The following MIER3 variants were observed in gnomAD, a reference collection of about 807,000 sequenced individuals.
MIER3 encodes the protein MIER family member 3.
In MIER3, 9 loss-of-function variants were observed where a neutral mutation model predicts 63.2. The ratio of observed to expected loss-of-function variants is 0.14; its 90% CI spans 0.09 to 0.25. The LOEUF is 0.25. Among genes scored for constraint, MIER3 ranks in the 10% least tolerant of loss-of-function variants. MIER3 has a pLI of 1.00. For synonymous variants in MIER3, 205 were observed against 224.9 expected, an observed-to-expected ratio of 0.91 and a Z score of 0.79; for missense variants, 512 against 666.2, an observed-to-expected ratio of 0.77 and a Z score of 2.55.
intron 1 of MIER3, among the ~76,000 whole-genome samples, chr5:56,951,399 T>A (rs1341095296): frequency 1.2e-3 from 178 of 151,930 alleles, no homozygotes; most frequent in Non-Finnish European, 1.9e-4. Context: ...TCGCCCAGCC[T>A]TCCTTCCTCC....
At position 56,922,042 on chromosome 5, in the gene MIER3, C is replaced by G. The variant is rs550816708; in HGVS notation, c.*1086G>C. The G allele has an allele frequency of 6.6e-6, 1 of 152,610 alleles. No individual in the cohort carries two copies. The highest frequency in any genetic ancestry group is 1.5e-5 in the Non-Finnish European group (1 of 68,038). The allele number at this position is 152,610 out of a possible 1,614,324, so 9.5% of individuals were successfully genotyped here. A position where few individuals can be genotyped will look rare whatever the true frequency, so the allele number is the denominator to read the frequency against. On this transcript the variant is annotated 3_prime_UTR_variant, in exon 13 of 13. Transcript: ENST00000381199. ...ATTTCAGATAGGAACTCACATTATT[C>G]TTGCCAACTGTTCAAGCTTAACAAA...
rs560692241 is a variant in MIER3, at chr5:56,935,172, T to C, written c.595+256A>G. The stretch of plus-strand genomic sequence containing the variant: ...CAGCACCGTGGGAGGCTCCCCATTA[T>C]TCGAACAGGCACTGAGCACACTGGC... On this transcript the variant is annotated intron_variant, in intron 7 of 12. Coordinates refer to ENST00000381199, the MANE Select transcript of MIER3 (RefSeq NM_001297599.2). Among the ~76,000 whole-genome samples, 3 of 152,262 alleles carry C rather than the reference T, an allele frequency of 2.0e-5. 1 individual carries two copies. The Middle Eastern group carries it at 0.01, about 518-fold the overall frequency.
Position 56,921,049 on chromosome 5 carries a change from CTG to C in MIER3, c.*2077_*2078del, listed in dbSNP as rs1749648820. ...TAATCAAAACTTTAGATAAGAAACA[CTG>C]TTTCCATCTTATATCAAGACCCCAG... is the stretch of plus-strand genomic sequence containing the variant. On this transcript the variant is annotated 3_prime_UTR_variant, in exon 13 of 13. Transcript: ENST00000381199. 1 of 152,508 alleles carries C rather than the reference CTG, an allele frequency of 6.6e-6. No homozygotes were observed. The highest frequency in any genetic ancestry group is 1.5e-5 in the Non-Finnish European group (1 of 67,960). 9.4% of individuals were successfully genotyped at this position (152,508 alleles called of 1,614,324 possible).
Position 56,940,381 on chromosome 5 carries a change from C to T in MIER3, c.181-1364G>A, listed in dbSNP as rs547506699. On this transcript the variant is annotated intron_variant, in intron 3 of 12. Transcript: ENST00000381199. ...ACTAAAGCAGAGTGTGCAAAACATGCCCACAGTTGATCACAAAGTGACCTG... is the reference window on the plus strand; with the variant it reads ...ACTAAAGCAGAGTGTGCAAAACATGTCCACAGTTGATCACAAAGTGACCTG... Among the ~76,000 whole-genome samples, 293 of 152,262 alleles carry T rather than the reference C, an allele frequency of 1.9e-3. 5 individuals are homozygous for T. Among genetic ancestry groups the T allele is most frequent in the African/African-American group, 6.4e-3 (266 of 41,558 alleles).
intron 1 of MIER3, 31 bp downstream of exon 1, chr5:56,952,063 C>A: frequency 7.8e-7 from 1 of 1,288,520 alleles, no homozygotes; most frequent in East Asian, 3.9e-5. Context: ...CCGCTCCAGC[C>A]CGGCTGCTCC....
intron 3 of MIER3, among the ~76,000 whole-genome samples, chr5:56,942,105 G>A (rs1750666262): frequency 6.6e-6 from 1 of 152,164 alleles, no homozygotes; most frequent in Non-Finnish European, 1.5e-5. Context: ...AGTCAGGTTG[G>A]CCAGGAGCCT....
intron 2 of MIER3, among the ~76,000 whole-genome samples, chr5:56,949,580 T>C (rs1018695184): frequency 1.4e-4 from 21 of 152,198 alleles, no homozygotes; most frequent in Admixed American, 5.2e-4. Flanking sequence ...ATTTTTAAAA[T>C]AGCTGCAAAT....
At position 56,919,790 on chromosome 5, in the gene MIER3, T is replaced by A. The variant is rs1230910998; in HGVS notation, c.*3338A>T. 1 of 152,618 alleles carries A rather than the reference T, an allele frequency of 6.6e-6. No individual in the cohort carries two copies. Among genetic ancestry groups the A allele is most frequent in the African/African-American group, 2.4e-5 (1 of 41,458 alleles). 9.5% of individuals were successfully genotyped at this position (152,618 alleles called of 1,614,324 possible). A position where few individuals can be genotyped will look rare whatever the true frequency, so the allele number is the denominator to read the frequency against. On this transcript the variant is annotated 3_prime_UTR_variant, in exon 13 of 13. Coordinates refer to ENST00000381199, the MANE Select transcript of MIER3 (RefSeq NM_001297599.2). ...ACTAATTTATCTCATACTCACAGGG[T>A]ACTTATTTCAAACTGGGACAATTGG...
intron 3 of MIER3, among the ~76,000 whole-genome samples, chr5:56,940,228 C>T (rs1352593694): frequency 2.0e-5 from 3 of 152,210 alleles, no homozygotes; most frequent in Non-Finnish European, 4.4e-5. Flanking sequence ...AATATACTCA[C>T]GAACTAGTTA....
At chr5:56,946,643 A>T (rs559640909) in intron 3 of MIER3, among the ~76,000 whole-genome samples, 2 of 152,270 alleles carry the variant, frequency 1.3e-5, no homozygotes, top group Non-Finnish European at 2.9e-5. Context: ...AGGATTCAGA[A>T]ATAATCTTAG....
intron 4 of MIER3, chr5:56,938,391 G>A (rs1484474571): frequency 4.3e-6 from 2 of 470,384 alleles, no homozygotes; most frequent in African/African-American, 2.0e-5. Context: ...CCATGGCCGT[G>A]TGAATTTTCC....
intron 10 of MIER3, 117 bp downstream of exon 10, chr5:56,928,650 A>G: frequency 1.9e-6 from 1 of 532,224 alleles, no homozygotes; most frequent in Non-Finnish European, 3.1e-6. Context: ...ATGATATCTG[A>G]AATGCTATAA....
At chr5:56,947,379 A>G (rs776211266) in intron 2 of MIER3, among the ~76,000 whole-genome samples, 1 of 152,216 alleles carries the variant, frequency 6.6e-6, no homozygotes, top group Admixed American at 6.5e-5. Context: ...TCTAATAGAA[A>G]AAGTCAAACT....
rs1750993884 is a variant in MIER3, at chr5:56,950,738, G to A, written c.10-86C>T. The A allele has an allele frequency of 3.3e-6, 5 of 1,494,650 alleles. No individual in the cohort carries two copies. The East Asian group carries it at 1.2e-4, about 35-fold the overall frequency. The allele number at this position is 1,494,650 out of a possible 1,614,324, so 92.6% of individuals were successfully genotyped here. A position where few individuals can be genotyped will look rare whatever the true frequency, so the allele number is the denominator to read the frequency against. On this transcript the variant is annotated intron_variant, in intron 1 of 12. Transcript: ENST00000381199. ...GGCAACAGGGCGCAGAGGAGGCGGA[G>A]TCGAGCGCTCCTCCGCAGCTGCCAA...
intron 9 of MIER3, among the ~76,000 whole-genome samples, chr5:56,930,325 G>T (rs1750214752): frequency 6.7e-6 from 1 of 150,134 alleles, no homozygotes; most frequent in African/African-American, 2.5e-5. Context: ...TTTCCTGTCT[G>T]GCTGAAAAAA....
At chr5:56,927,668 T>C (rs1424419199) in intron 10 of MIER3, among the ~76,000 whole-genome samples, 5 of 151,950 alleles carry the variant, frequency 3.3e-5, no homozygotes, top group Non-Finnish European at 4.4e-5. Flanking sequence ...ACATCCTACA[T>C]TGGAGTAGTG....
chr5:56,934,824 A>G (rs1361269039), intron 7 of MIER3, among the ~76,000 whole-genome samples: 3 of 152,178 alleles, frequency 2.0e-5, no homozygotes, highest in Non-Finnish European at 4.4e-5. Context: ...ACACCCATGG[A>G]AATATTCCCA....
At chr5:56,936,461 T>TA (rs959044127) in intron 5 of MIER3, among the ~76,000 whole-genome samples, 98 of 145,236 alleles carry the variant, frequency 6.7e-4, no homozygotes, top group South Asian at 6.3e-3. Flanking sequence ...TAAAAATACC[T>TA]AAAAAAAAAA....
chr5:56,925,944 C>T (rs990565325), intron 10 of MIER3, among the ~76,000 whole-genome samples: 9 of 151,948 alleles, frequency 5.9e-5, no homozygotes, highest in Admixed American at 2.0e-4. Context: ...ATACACCCCA[C>T]GGGTACAGTC....
Sources: gnomAD v4.1 joint callset for allele counts (sites outside exome capture counted in the v4.1 genomes callset) on GRCh38, gnomAD v4.1.1 for gene constraint, MANE v1.5 for transcripts, NCBI Gene and HGNC (gene_info 2026-07-23, HGNC 2026-07-21) for gene names.